Variants in GALNTL6 observed in about 807,000 individuals in gnomAD.
GALNTL6 encodes the protein polypeptide N-acetylgalactosaminyltransferase like 6.
GALNTL6 carries 46 observed loss-of-function variants against 73.7 expected under a neutral mutation model. That is an observed-to-expected ratio of 0.62 (90% CI 0.49 to 0.80). GALNTL6 has a LOEUF of 0.80. Ranked by LOEUF, GALNTL6 falls within the 30% of genes least tolerant of loss-of-function variation. The pLI is 0.00. For synonymous variants in GALNTL6, 259 were observed against 263.7 expected (o/e 0.98, Z 0.17); for missense variants, 604 against 755.0 (o/e 0.80, Z 2.34).
intron 2 of GALNTL6, among the ~76,000 whole-genome samples, chr4:172,020,223 A>G (rs1741351498): frequency 6.6e-6 from 1 of 152,040 alleles, no homozygotes; most frequent in African/African-American, 2.4e-5. Flanking sequence ...AAGAAAGACC[A>G]AATAAGCAAC....
chr4:171,976,083 C>T (rs971841341), intron 2 of GALNTL6, among the ~76,000 whole-genome samples: 3 of 152,062 alleles, frequency 2.0e-5, no homozygotes, highest in African/African-American at 7.2e-5. Flanking sequence ...CCACCATGCC[C>T]AGCTAATTTT....
intron 5 of GALNTL6, among the ~76,000 whole-genome samples, chr4:172,420,257 C>T (rs950794285): frequency 6.6e-6 from 1 of 152,156 alleles, no homozygotes; most frequent in Admixed American, 6.6e-5. Flanking sequence ...TTTCAGCTTA[C>T]ATTGTTAAGA....
rs951837628 is a variant in GALNTL6 at position 172,154,340 on chromosome 4, C to T, written c.139-75316C>T. Among the ~76,000 whole-genome samples, 4 of 152,066 alleles carry T rather than the reference C, an allele frequency of 2.6e-5. No individual in the cohort carries two copies. The South Asian group carries it at 8.3e-4, about 32-fold the overall frequency. ...CTCTGCCTCCTGGGTTCAAGCGATT[C>T]TCCTGCCTCAGCCTCCCAAGTAGCT... is the stretch of plus-strand genomic sequence containing the variant. On this transcript the variant is annotated intron_variant, in intron 2 of 12. Coordinates refer to ENST00000506823, the MANE Select transcript of GALNTL6 (RefSeq NM_001034845.3).
intron 2 of GALNTL6, among the ~76,000 whole-genome samples, chr4:172,173,778 A>G (rs371872382): frequency 4.5e-4 from 68 of 152,302 alleles, no homozygotes; most frequent in African/African-American, 1.6e-3. Context: ...TTCAGGGATG[A>G]TAGGGAAAAG....
At chr4:173,004,192 A>G (rs1363661664) in intron 10 of GALNTL6, among the ~76,000 whole-genome samples, 1 of 152,078 alleles carries the variant, frequency 6.6e-6, no homozygotes, top group Non-Finnish European at 1.5e-5. Flanking sequence ...TCTTGAAAAA[A>G]AAAATGAGGT....
At chr4:172,962,067 AG>A (rs1750083938) in intron 10 of GALNTL6, among the ~76,000 whole-genome samples, 2 of 152,124 alleles carry the variant, frequency 1.3e-5, no homozygotes, top group South Asian at 2.1e-4. Flanking sequence ...TTACAGTCAA[AG>A]GGGAGGGTTG....
chr4:172,866,794 A>C (rs1561001962), intron 7 of GALNTL6, among the ~76,000 whole-genome samples: 1 of 152,084 alleles, frequency 6.6e-6, no homozygotes, highest in Non-Finnish European at 1.5e-5. Flanking sequence ...GGGCCCTAAC[A>C]AGCACATTTT....
At chr4:172,417,876 A>G (rs1730899955) in intron 5 of GALNTL6, among the ~76,000 whole-genome samples, 1 of 152,126 alleles carries the variant, frequency 6.6e-6, no homozygotes, top group Non-Finnish European at 1.5e-5. Flanking sequence ...CATGAAAAGA[A>G]AGTTTCTCAG....
chr4:172,513,063 A>G (rs1579140815), intron 5 of GALNTL6, among the ~76,000 whole-genome samples: 1 of 152,178 alleles, frequency 6.6e-6, no homozygotes. Flanking sequence ...AAACTTTTAG[A>G]TGCATCTTCT....
At chr4:172,690,192 G>T (rs528737264) in intron 5 of GALNTL6, among the ~76,000 whole-genome samples, 1 of 152,164 alleles carries the variant, frequency 6.6e-6, no homozygotes, top group African/African-American at 2.4e-5. Flanking sequence ...TTTTTCTGAG[G>T]AAGAATGTCA....
At chr4:172,903,140 C>CACACTTGTCACTGATTACT (rs376811956) in intron 8 of GALNTL6, among the ~76,000 whole-genome samples, 14 of 152,036 alleles carry the variant, frequency 9.2e-5, no homozygotes, top group African/African-American at 2.2e-4. Context: ...CCTAAAAGTT[C>CACACTTGTCACTGATTACT]ACACAAATCA....
chr4:171,932,994 A>G (rs997598165), intron 2 of GALNTL6, among the ~76,000 whole-genome samples: 8 of 152,218 alleles, frequency 5.3e-5, no homozygotes, highest in Admixed American at 5.2e-4. Flanking sequence ...CCAGAAATTC[A>G]GAATCTCAGG....
Position 172,067,739 on chromosome 4 carries a change from A to G in GALNTL6, c.139-161917A>G, listed in dbSNP as rs1263329357. On this transcript the variant is annotated intron_variant, in intron 2 of 12. Transcript: ENST00000506823. ...AGTGACAGTCCAATGATCATTACCA[A>G]GGAAAATTTAACAAGGAGATTTTAT... 4.5e-5 allele frequency among the ~76,000 whole-genome samples: 5 copies of G among 110,608 alleles called. No homozygotes were observed. The East Asian group carries it at 1.1e-3, about 23-fold the overall frequency. The allele number at this position is 110,608 out of a possible 152,430, so 72.6% of individuals were successfully genotyped here.
chr4:172,368,895 C>G (rs1374597513), intron 5 of GALNTL6, among the ~76,000 whole-genome samples: 1 of 152,232 alleles, frequency 6.6e-6, no homozygotes, highest in East Asian at 1.9e-4. Context: ...CGTGGTCTCG[C>G]TGGCTTCAGG....
intron 3 of GALNTL6, among the ~76,000 whole-genome samples, chr4:172,236,499 G>A (rs1737243993): frequency 6.7e-6 from 1 of 149,880 alleles, no homozygotes; most frequent in Non-Finnish European, 1.5e-5. Context: ...GGCAGGGCTT[G>A]CAGTGAGCCA....
At chr4:172,014,121 C>T (rs1271113739) in intron 2 of GALNTL6, among the ~76,000 whole-genome samples, 2 of 152,072 alleles carry the variant, frequency 1.3e-5, no homozygotes, top group South Asian at 4.1e-4. Flanking sequence ...CATTTATCTG[C>T]TGATGGATAC....
At chr4:172,313,112 T>TCCC (rs143094304) in intron 4 of GALNTL6, among the ~76,000 whole-genome samples, 1 of 132,020 alleles carries the variant, frequency 7.6e-6, no homozygotes, top group African/African-American at 2.9e-5. Context: ...TCTATCCAGT[T>TCCC]CCCCCCCCCA....
chr4:172,389,156 C>G (rs953323549), intron 5 of GALNTL6, among the ~76,000 whole-genome samples: 2 of 152,054 alleles, frequency 1.3e-5, no homozygotes, highest in African/African-American at 4.8e-5. Flanking sequence ...TAAGACATCT[C>G]TACCTACTTC....
intron 2 of GALNTL6, among the ~76,000 whole-genome samples, chr4:172,096,036 TTTTG>T (rs1450982529): frequency 2.0e-5 from 3 of 151,838 alleles, no homozygotes; most frequent in East Asian, 1.9e-4. Flanking sequence ...GATTGATGTG[TTTTG>T]TTTATTTTGC....
Sources: allele counts gnomAD v4.1 joint callset (sites outside exome capture counted in the v4.1 genomes callset), GRCh38; gene constraint gnomAD v4.1.1; transcripts MANE v1.5; gene names NCBI Gene and HGNC (gene_info 2026-07-23, HGNC 2026-07-21).